FRMD4A: variants seen among roughly 807,000 people sequenced by gnomAD.
The protein encoded by FRMD4A is FERM domain-containing protein 4A.
Under a neutral mutation model 129.1 loss-of-function variants are expected in FRMD4A, and 29 were observed. The observed-to-expected ratio is 0.22, with a 90% confidence interval of 0.17 to 0.31. The LOEUF (loss-of-function observed/expected upper bound fraction) is 0.31, where lower values mean the gene tolerates loss of function less well. Among genes scored for constraint, FRMD4A ranks in the 10% least tolerant of loss-of-function variants. The pLI is 1.00. For missense variants in FRMD4A, 1,272 were observed against 1,375.8 expected, an observed-to-expected ratio of 0.92 and a Z score of 1.19; for synonymous variants, 634 against 571.6, an observed-to-expected ratio of 1.11 and a Z score of -1.56.
intron 2 of FRMD4A, among the ~76,000 whole-genome samples, chr10:14,297,968 C>T (rs1846062909): frequency 6.6e-6 from 1 of 152,202 alleles, no homozygotes; most frequent in African/African-American, 2.4e-5. Flanking sequence ...GTTTTCTCAG[C>T]TGTTACACGA....
At chr10:13,993,503 C>T (rs1307880464) in intron 2 of FRMD4A, among the ~76,000 whole-genome samples, 2 of 152,202 alleles carry the variant, frequency 1.3e-5, no homozygotes, top group Non-Finnish European at 2.9e-5. Context: ...GGACCACACA[C>T]TGCTGGTCTG....
chr10:13,914,140 G>T (rs1423467431), intron 2 of FRMD4A, among the ~76,000 whole-genome samples: 1 of 152,258 alleles, frequency 6.6e-6, no homozygotes, highest in Non-Finnish European at 1.5e-5. Flanking sequence ...TAAAGCCAGG[G>T]ATGCATGTTG....
chr10:13,802,295 TG>T (rs751214250), intron 4 of FRMD4A, among the ~76,000 whole-genome samples: 3 of 152,216 alleles, frequency 2.0e-5, no homozygotes, highest in Non-Finnish European at 4.4e-5. Flanking sequence ...TTATAGTTAC[TG>T]GTGGGTGGAG....
intron 2 of FRMD4A, among the ~76,000 whole-genome samples, chr10:14,304,594 G>C (rs1846285855): frequency 2.0e-5 from 3 of 152,166 alleles, no homozygotes; most frequent in Non-Finnish European, 4.4e-5. Context: ...TGTGGCCTGG[G>C]AGCACGCTGA....
intron 2 of FRMD4A, among the ~76,000 whole-genome samples, chr10:14,185,553 A>C (rs139512324): frequency 2.0e-5 from 3 of 152,220 alleles, no homozygotes; most frequent in Non-Finnish European, 2.9e-5. Context: ...AACATAAAGC[A>C]AGACTATTTA....
At position 13,675,028 on chromosome 10, in the gene FRMD4A, A is replaced by T; in HGVS notation, c.1134T>A (p.Asp378Glu). Residue 378 changes from aspartate (D) to glutamate (E), a missense_variant, in exon 16 of 25, where the codon GAT becomes GAA. Asp to Glu is a conservative substitution (Grantham distance 45). Coordinates refer to ENST00000357447, the MANE Select transcript of FRMD4A (RefSeq NM_018027.5). ...SLLSSGSQESDSSQSAKKDML... is the reference protein window; with the variant it reads ...SLLSSGSQESESSQSAKKDML... ...TGTCCTTCTTGGCCGACTGCGAGCT[A>T]TCTGATTCCTGAGAACCTGTCGATA... 1 of 1,613,410 alleles carries T rather than the reference A, an allele frequency of 6.2e-7. No homozygotes were observed.
intron 2 of FRMD4A, among the ~76,000 whole-genome samples, chr10:13,996,827 T>C (rs2131444007): frequency 6.6e-6 from 1 of 152,354 alleles, no homozygotes; most frequent in African/African-American, 2.4e-5. Context: ...ACAGAATAGA[T>C]GTCGATCCCC....
At chr10:14,031,121 C>T (rs1194582625) in intron 2 of FRMD4A, among the ~76,000 whole-genome samples, 3 of 152,156 alleles carry the variant, frequency 2.0e-5, no homozygotes, top group Non-Finnish European at 2.9e-5. Flanking sequence ...ATTCCGAGGT[C>T]GCCACCAGAA....
chr10:14,136,725 A>G (rs922797422), intron 2 of FRMD4A, among the ~76,000 whole-genome samples: 1 of 152,114 alleles, frequency 6.6e-6, no homozygotes, highest in African/African-American at 2.4e-5. Context: ...ATGTACATCA[A>G]TGTACATCTT....
chr10:13,976,008 A>T (rs1248879410), intron 2 of FRMD4A, among the ~76,000 whole-genome samples: 1 of 152,164 alleles, frequency 6.6e-6, no homozygotes, highest in African/African-American at 2.4e-5. Flanking sequence ...CGCAAAACCT[A>T]AAGGGTAATG....
At chr10:14,236,392 G>C (rs886947513) in intron 2 of FRMD4A, among the ~76,000 whole-genome samples, 3 of 152,170 alleles carry the variant, frequency 2.0e-5, no homozygotes, top group Non-Finnish European at 4.4e-5. Flanking sequence ...AGTGAGACTA[G>C]AGAACTACAG....
intron 24 of FRMD4A, chr10:13,647,850 A>G (rs1428158132): frequency 6.6e-6 from 1 of 151,770 alleles, no homozygotes; most frequent in Non-Finnish European, 1.5e-5. Context: ...ATTACTAGGG[A>G]TCATGATTCG....
chr10:13,695,420 C>T lies in FRMD4A; in HGVS notation c.976-1381G>A, dbSNP rs545183563. Among the ~76,000 whole-genome samples the T allele has an allele frequency of 1.4e-4, 21 of 152,304 alleles. No homozygotes were observed. In the South Asian group the frequency reaches 3.7e-3, roughly 27 times the overall value. ...CCTCCCAAAGTGCTGGGATTACAGG[C>T]GTGAGCCACCGCGCCTGGCTAAAGC... On this transcript the variant is annotated intron_variant, in intron 14 of 24. Transcript: ENST00000357447.
chr10:13,966,814 G>A lies in FRMD4A; in HGVS notation c.46-107902C>T, dbSNP rs746826643. ...GCACAATTTGCAATTGCAAAAATGC[G>A]GAACCAACCCAAATGCCCATCAATC... On this transcript the variant is annotated intron_variant, in intron 2 of 24. Transcript: ENST00000357447. Among the ~76,000 whole-genome samples, 4 of 152,334 alleles carry A rather than the reference G, an allele frequency of 2.6e-5. No homozygotes were observed. In the East Asian group the frequency reaches 5.8e-4, roughly 22 times the overall value.
chr10:13,879,676 CTTCTTCT>C (rs1026573662), intron 2 of FRMD4A, among the ~76,000 whole-genome samples: 2 of 93,384 alleles, frequency 2.1e-5, no homozygotes, highest in African/African-American at 3.6e-5. Context: ...CTTCCTCCTC[CTTCTTCT>C]TTCTCTTCCT....
At chr10:13,716,797 T>C (rs2088851983) in intron 12 of FRMD4A, among the ~76,000 whole-genome samples, 2 of 152,250 alleles carry the variant, frequency 1.3e-5, no homozygotes, top group Non-Finnish European at 2.9e-5. Flanking sequence ...TTTTTCTCCA[T>C]TGGACTTGAT....
intron 14 of FRMD4A, among the ~76,000 whole-genome samples, chr10:13,697,960 A>T (rs751108764): frequency 6.6e-6 from 1 of 152,144 alleles, no homozygotes; most frequent in Non-Finnish European, 1.5e-5. Context: ...AGAAGTTACC[A>T]ATTATAATTG....
At chr10:14,303,350 T>C (rs1846246964) in intron 2 of FRMD4A, among the ~76,000 whole-genome samples, 1 of 152,208 alleles carries the variant, frequency 6.6e-6, no homozygotes. Flanking sequence ...CCCAAGATTC[T>C]GCATTTCCCA....
rs142197024 is a variant in FRMD4A at position 14,006,695 on chromosome 10, C to T, written c.46-147783G>A. Among the ~76,000 whole-genome samples, 640 of 152,224 alleles carry T rather than the reference C, an allele frequency of 4.2e-3. 5 individuals carry two copies. Among genetic ancestry groups the T allele is most frequent in the Middle Eastern group, 0.01 (3 of 294 alleles). On this transcript the variant is annotated intron_variant, in intron 2 of 24. Transcript: ENST00000357447. ...GAATAAATATCTTAATAATAGAACACGTGATAAAAATTTTGTTACCATACA... is the reference window on the plus strand; with the variant it reads ...GAATAAATATCTTAATAATAGAACATGTGATAAAAATTTTGTTACCATACA...
Sources: allele counts gnomAD v4.1 joint callset (sites outside exome capture counted in the v4.1 genomes callset), GRCh38; gene constraint gnomAD v4.1.1; transcripts MANE v1.5; gene names NCBI Gene and HGNC (gene_info 2026-07-23, HGNC 2026-07-21).